Variants in GRM7 observed in about 807,000 individuals in gnomAD.
GRM7 encodes glutamate metabotropic receptor 7.
GRM7 carries 35 observed loss-of-function variants against 84.5 expected under a neutral mutation model. The ratio of observed to expected loss-of-function variants is 0.41; its 90% CI spans 0.32 to 0.55. The LOEUF is 0.55. Among genes scored for constraint, GRM7 ranks in the 20% least tolerant of loss-of-function variants. The pLI, the probability that GRM7 is intolerant of heterozygous loss-of-function variation, is 0.19. For missense variants in GRM7, 1,003 were observed against 1,194.6 expected (o/e 0.84, Z 2.36); for synonymous variants, 487 against 455.1 (o/e 1.07, Z -0.89).
At chr3:7,241,719 A>C (rs1697565262) in intron 2 of GRM7, among the ~76,000 whole-genome samples, 1 of 152,024 alleles carries the variant, frequency 6.6e-6, no homozygotes, top group Admixed American at 6.6e-5. Flanking sequence ...AAAATGGGAG[A>C]ATTAGGAAGC....
chr3:7,307,003 A>G (rs140751244), intron 4 of GRM7, among the ~76,000 whole-genome samples: 1 of 152,274 alleles, frequency 6.6e-6, no homozygotes, highest in East Asian at 1.9e-4. Flanking sequence ...GAATCCTTTC[A>G]CTTTGTAACG....
At chr3:7,392,993 GC>G (rs1442006417) in intron 4 of GRM7, among the ~76,000 whole-genome samples, 1 of 152,140 alleles carries the variant, frequency 6.6e-6, no homozygotes, top group East Asian at 1.9e-4. Context: ...TCAGGATGCA[GC>G]CCAGAGTTAA....
At chr3:7,684,919 C>T (rs747404772) in intron 9 of GRM7, among the ~76,000 whole-genome samples, 1 of 152,042 alleles carries the variant, frequency 6.6e-6, no homozygotes, top group Admixed American at 6.5e-5. Context: ...AACCTGGCCT[C>T]GTTTGAATAG....
intron 4 of GRM7, among the ~76,000 whole-genome samples, chr3:7,373,124 G>T (rs1006581935): frequency 3.3e-5 from 5 of 152,144 alleles, no homozygotes; most frequent in African/African-American, 1.2e-4. Flanking sequence ...AAGTTACACA[G>T]TTCAAAGGAA....
chr3:7,315,890 C>T (rs1027455155), intron 4 of GRM7, among the ~76,000 whole-genome samples: 1 of 152,100 alleles, frequency 6.6e-6, no homozygotes, highest in African/African-American at 2.4e-5. Context: ...GCTGCCTACT[C>T]TGCCATTTTG....
chr3:7,331,905 C>G (rs1701223337), intron 4 of GRM7, among the ~76,000 whole-genome samples: 1 of 152,006 alleles, frequency 6.6e-6, no homozygotes, highest in African/African-American at 2.4e-5. Flanking sequence ...TGAGAAGTAG[C>G]AAAACCTGAA....
intron 5 of GRM7, among the ~76,000 whole-genome samples, chr3:7,432,880 A>G (rs1182947058): frequency 6.6e-6 from 1 of 152,176 alleles, no homozygotes; most frequent in Non-Finnish European, 1.5e-5. Flanking sequence ...TATGGAGGAT[A>G]AGGGAGTTAA....
rs190462739 is a variant in GRM7 at position 7,085,787 on chromosome 3, G to T, written c.520-60665G>T. Among the ~76,000 whole-genome samples, 139 of 152,192 alleles carry T rather than the reference G, an allele frequency of 9.1e-4. No individual in the cohort carries two copies. In the East Asian group the frequency reaches 0.019, roughly 21 times the overall value. Reference sequence around the variant, plus strand: ...AAAAATATGCACACCCTTTCAGCTGGATGTGGAACCTACCCCCATCCTCTT... The same window carrying T: ...AAAAATATGCACACCCTTTCAGCTGTATGTGGAACCTACCCCCATCCTCTT... On this transcript the variant is annotated intron_variant, in intron 1 of 9. Transcript: ENST00000357716.
intron 1 of GRM7, among the ~76,000 whole-genome samples, chr3:6,988,497 G>A (rs1296566012): frequency 6.6e-6 from 1 of 152,090 alleles, no homozygotes; most frequent in Admixed American, 6.5e-5. Context: ...GTCCCATAGT[G>A]GCAGGTCTTA....
intron 9 of GRM7, chr3:7,681,990 G>A (rs1700386121): frequency 6.6e-6 from 1 of 152,170 alleles, no homozygotes; most frequent in Admixed American, 6.5e-5. Flanking sequence ...CTAAAAAGAT[G>A]CAGTTAAGTG....
At chr3:6,954,816 A>G (rs1480866484) in intron 1 of GRM7, among the ~76,000 whole-genome samples, 3 of 152,250 alleles carry the variant, frequency 2.0e-5, no homozygotes, top group Non-Finnish European at 4.4e-5. Flanking sequence ...TAAGTGCCTA[A>G]TAAATGTTAT....
intron 9 of GRM7, chr3:7,693,504 T>C (rs1700893599): frequency 2.9e-6 from 2 of 680,712 alleles, no homozygotes; most frequent in African/African-American, 3.5e-5. Context: ...TGAAAAATGC[T>C]ACATTTTTGT....
At position 7,520,523 on chromosome 3, in the gene GRM7, A is replaced by C. The variant is rs912962288; in HGVS notation, c.1516-57899A>C. Among the ~76,000 whole-genome samples the C allele has an allele frequency of 1.8e-4, 28 of 151,906 alleles. No homozygotes were observed. The East Asian group carries it at 4.8e-3, about 26-fold the overall frequency. On this transcript the variant is annotated intron_variant, in intron 7 of 9. Transcript: ENST00000357716. ...AGACCTGAAAAAAATAAAAAAAAAAACACCACCATGGGACTTTTAATTTTG... is the reference window on the plus strand; with the variant it reads ...AGACCTGAAAAAAATAAAAAAAAAACCACCACCATGGGACTTTTAATTTTG...
intron 7 of GRM7, among the ~76,000 whole-genome samples, chr3:7,549,628 C>T (rs1045756451): frequency 1.4e-4 from 22 of 152,110 alleles, no homozygotes; most frequent in African/African-American, 5.3e-4. Context: ...AAAAACTTCT[C>T]CCCGTATCTT....
At chr3:7,159,479 A>T (rs986037749) in intron 2 of GRM7, among the ~76,000 whole-genome samples, 6 of 152,266 alleles carry the variant, frequency 3.9e-5, no homozygotes, top group Admixed American at 3.9e-4. Context: ...TCTATGTTTT[A>T]TGGAGAAAGA....
chr3:7,048,181 A>T (rs1696869138), intron 1 of GRM7, among the ~76,000 whole-genome samples: 1 of 152,044 alleles, frequency 6.6e-6, no homozygotes, highest in Non-Finnish European at 1.5e-5. Context: ...AGATAAGCAA[A>T]GTAACAGATT....
chr3:7,609,705 T>C (rs1164886191), intron 8 of GRM7, among the ~76,000 whole-genome samples: 1 of 152,064 alleles, frequency 6.6e-6, no homozygotes, highest in African/African-American at 2.4e-5. Flanking sequence ...ATGGATGAAA[T>C]CATCACCTAG....
At chr3:6,899,601 A>G (rs186213260) in intron 1 of GRM7, among the ~76,000 whole-genome samples, 97 of 152,302 alleles carry the variant, frequency 6.4e-4, no homozygotes, top group African/African-American at 2.3e-3. Flanking sequence ...GTAAAAGGTC[A>G]AGTTACTCAT....
chr3:7,196,085 C>T (rs1695869146), intron 2 of GRM7, among the ~76,000 whole-genome samples: 1 of 152,068 alleles, frequency 6.6e-6, no homozygotes, highest in East Asian at 1.9e-4. Context: ...AATGAATTGG[C>T]TCATGCACTG....
Sources: allele counts gnomAD v4.1 joint callset (sites outside exome capture counted in the v4.1 genomes callset), GRCh38; gene constraint gnomAD v4.1.1; transcripts MANE v1.5; gene names NCBI Gene and HGNC (gene_info 2026-07-23, HGNC 2026-07-21).